The following TJP1 variants were observed in gnomAD, a reference collection of about 807,000 sequenced individuals.
The protein encoded by TJP1 is tight junction protein ZO-1.
TJP1 carries 43 observed loss-of-function variants against 194.2 expected under a neutral mutation model. That is an observed-to-expected ratio of 0.22 (90% CI 0.17 to 0.29). The LOEUF (loss-of-function observed/expected upper bound fraction) is 0.29, where lower values mean the gene tolerates loss of function less well. Among genes scored for constraint, TJP1 ranks in the 10% least tolerant of loss-of-function variants. TJP1 has a pLI of 1.00. For missense variants in TJP1, 1,971 were observed against 2,185.7 expected (o/e 0.90, Z 1.96); for synonymous variants, 801 against 779.0 (o/e 1.03, Z -0.47).
At chr15:29,926,339 C>T (rs1212383485) in intron 2 of TJP1, among the ~76,000 whole-genome samples, 2 of 152,186 alleles carry the variant, frequency 1.3e-5, no homozygotes, top group Non-Finnish European at 2.9e-5. Context: ...GAGCTAGGCG[C>T]AGAAGCTCAC....
At chr15:29,730,852 A>C (rs1391601020) in intron 15 of TJP1, 1 of 1,117,578 alleles carries the variant, frequency 8.9e-7, no homozygotes, top group African/African-American at 1.5e-5. Flanking sequence ...GCCCCTGCAA[A>C]GAAGGGAGAG....
chr15:29,722,232 G>A (rs1020444865), intron 18 of TJP1, among the ~76,000 whole-genome samples: 3 of 152,298 alleles, frequency 2.0e-5, no homozygotes, highest in South Asian at 2.1e-4. Context: ...AGGCCTATGC[G>A]GCAGCCCCTC....
chr15:29,747,535 A>T (rs1487659394), intron 8 of TJP1, among the ~76,000 whole-genome samples: 1 of 152,150 alleles, frequency 6.6e-6, no homozygotes, highest in Non-Finnish European at 1.5e-5. Context: ...GTGAAAAAAT[A>T]AGTTAAAATG....
chr15:29,801,663 G>A (rs142142565), intron 1 of TJP1, among the ~76,000 whole-genome samples: 3,524 of 151,246 alleles, frequency 0.023, 49 homozygotes, highest in South Asian at 0.055. Context: ...GGGTTTCACC[G>A]TTTTAGCCGG....
At chr15:29,793,470 A>C (rs1275472873) in intron 2 of TJP1, among the ~76,000 whole-genome samples, 1 of 151,908 alleles carries the variant, frequency 6.6e-6, no homozygotes, top group South Asian at 2.1e-4. Flanking sequence ...GGCAATTTAT[A>C]TAAAAAAAGA....
intron 2 of TJP1, among the ~76,000 whole-genome samples, chr15:29,914,212 AAATAAATATAGTTTCTTCCC>A (rs1431306937): frequency 2.0e-5 from 3 of 152,218 alleles, no homozygotes; most frequent in African/African-American, 7.2e-5. Context: ...ATTACACCTT[AAATAAATATAGTTTCTTCCC>A]TGGTGTTTTC....
rs529363553 is a variant in TJP1 at position 29,928,534 on chromosome 15, A to G, written c.306+27698T>C. Among the ~76,000 whole-genome samples the G allele has an allele frequency of 2.3e-4, 35 of 152,346 alleles. No homozygotes were observed. The East Asian group carries it at 4.4e-3, about 19-fold the overall frequency. On this transcript the variant is annotated intron_variant, in intron 2 of 28. Transcript: ENST00000356107. ...ACTCTATGGCAAGGTTATACATCCAACAGAAACTCATGCACATCTACATCA... is the reference window on the plus strand; with the variant it reads ...ACTCTATGGCAAGGTTATACATCCAGCAGAAACTCATGCACATCTACATCA...
At position 29,734,298 on chromosome 15, in the gene TJP1, T is replaced by C. The variant is rs2043871009; in HGVS notation, c.1492A>G (p.Ile498Val). Residue 498 changes from isoleucine (I) to valine (V), a missense_variant, in exon 12 of 28, where the codon ATA becomes GTA. Around this residue, in one of 5 missense-constraint regions of TJP1, gnomAD observed 402 missense variants for 484.2 expected, o/e 0.83. Coordinates refer to ENST00000614355, the MANE Select transcript of TJP1 (RefSeq NM_001330239.4). ...CCATCCTTCTTCTTCTGAGCCAATA[T>C]GGTCACTTCTTCTCCTTTAGGGAGG... ...LDLPKGEEVT[I>V]LAQKKKDVYR... 6 of 1,611,174 alleles carry C rather than the reference T, an allele frequency of 3.7e-6. No individual in the cohort carries two copies. Among genetic ancestry groups the C allele is most frequent in the Admixed American group, 1.7e-5 (1 of 59,492 alleles).
intron 1 of TJP1, among the ~76,000 whole-genome samples, chr15:29,959,922 AG>A (rs1173233486): frequency 6.6e-6 from 1 of 152,314 alleles, no homozygotes; most frequent in South Asian, 2.1e-4. Flanking sequence ...ACAGGGTAAA[AG>A]CTTCCATGAA....
intron 8 of TJP1, among the ~76,000 whole-genome samples, chr15:29,743,622 G>C (rs1036008104): frequency 9.9e-5 from 15 of 152,142 alleles, no homozygotes; most frequent in Non-Finnish European, 2.1e-4. Flanking sequence ...AGCTATTTAA[G>C]TGGCTGAGGT....
At chr15:29,784,879 CAG>C (rs1271420256) in intron 2 of TJP1, among the ~76,000 whole-genome samples, 1 of 152,008 alleles carries the variant, frequency 6.6e-6, no homozygotes, top group African/African-American at 2.4e-5. Flanking sequence ...CATTTTAAAA[CAG>C]AGAAATAAAT....
chr15:29,709,142 C>T lies in TJP1; in HGVS notation c.4373-106G>A, dbSNP rs1019655798. 1.4e-4 allele frequency: 146 copies of T among 1,075,038 alleles called. 1 individual carries two copies. The highest frequency in any genetic ancestry group is 3.7e-4 in the South Asian group (24 of 64,176). The allele number at this position is 1,075,038 out of a possible 1,614,324, so 66.6% of individuals were successfully genotyped here. ...CTGGAGTCGAGGCCCAAATGTGGGT[C>T]GCACAGCCAGAGCCTGACTCTTGAG... On this transcript the variant is annotated intron_variant, in intron 24 of 27. Coordinates refer to ENST00000614355, the MANE Select transcript of TJP1 (RefSeq NM_001330239.4).
chr15:29,883,346 G>A (rs1442069661), intron 2 of TJP1, among the ~76,000 whole-genome samples: 2 of 152,220 alleles, frequency 1.3e-5, no homozygotes, highest in Admixed American at 6.5e-5. Flanking sequence ...GAAATGCACA[G>A]GGAATGCAGG....
intron 18 of TJP1, among the ~76,000 whole-genome samples, chr15:29,725,306 T>C (rs567207969): frequency 8.5e-5 from 13 of 152,238 alleles, no homozygotes; most frequent in African/African-American, 2.2e-4. Flanking sequence ...GTGAGAACAA[T>C]AGACACTGCC....
intron 2 of TJP1, among the ~76,000 whole-genome samples, chr15:29,861,607 T>G (rs2052084741): frequency 6.6e-6 from 1 of 152,358 alleles, no homozygotes; most frequent in African/African-American, 2.4e-5. Context: ...ATATGTCTAC[T>G]CAAGTCCTTT....
intron 2 of TJP1, among the ~76,000 whole-genome samples, chr15:29,863,762 C>T (rs928955850): frequency 2.0e-5 from 3 of 152,172 alleles, no homozygotes; most frequent in Non-Finnish European, 2.9e-5. Flanking sequence ...ATGTTCGTCT[C>T]TGGACTTCAA....
At chr15:29,757,600 T>C (rs931532231) in intron 8 of TJP1, among the ~76,000 whole-genome samples, 5 of 152,330 alleles carry the variant, frequency 3.3e-5, no homozygotes, top group African/African-American at 1.2e-4. Context: ...ATGAAACCTT[T>C]AAGCAACTGG....
intron 25 of TJP1, 151 bp from the exon 26 acceptor site, chr15:29,705,896 T>C: frequency 3.0e-6 from 2 of 670,138 alleles, no homozygotes; most frequent in Non-Finnish European, 2.5e-6. Context: ...CAGATTTTAC[T>C]GACAGGGTTA....
At chr15:29,861,584 GT>G (rs1322462953) in intron 2 of TJP1, among the ~76,000 whole-genome samples, 1 of 152,128 alleles carries the variant, frequency 6.6e-6, no homozygotes, top group African/African-American at 2.4e-5. Flanking sequence ...CTATTTGTAT[GT>G]TGCCTTTGGA....
Sources: gnomAD v4.1 joint callset for allele counts (sites outside exome capture counted in the v4.1 genomes callset) on GRCh38, gnomAD v4.1.1 for gene constraint, gnomAD v4.1.1 regional missense constraint, MANE v1.5 for transcripts, NCBI Gene and HGNC (gene_info 2026-07-23, HGNC 2026-07-21) for gene names.